GPHN: variants seen among roughly 807,000 people sequenced by gnomAD.
GPHN encodes the protein gephyrin.
Under a neutral mutation model 95.5 loss-of-function variants are expected in GPHN, and 17 were observed. The ratio of observed to expected loss-of-function variants is 0.18; its 90% CI spans 0.12 to 0.27. The LOEUF is 0.27. Ranked by LOEUF, GPHN falls within the 10% of genes least tolerant of loss-of-function variation. The pLI is 1.00. For missense variants in GPHN, 660 were observed against 978.1 expected (o/e 0.67, Z 4.34); for synonymous variants, 320 against 322.5 (o/e 0.99, Z 0.08).
chr14:66,782,428 T>C (rs948821768), intron 3 of GPHN, among the ~76,000 whole-genome samples: 3 of 152,172 alleles, frequency 2.0e-5, no homozygotes, highest in Non-Finnish European at 4.4e-5. Flanking sequence ...TCAAAAGTAT[T>C]CCTGCTGAGG....
downstream of GPHN, among the ~76,000 whole-genome samples, chr14:67,182,333 A>G (rs2083338247): frequency 6.6e-6 from 1 of 152,240 alleles, no homozygotes; most frequent in Non-Finnish European, 1.5e-5. Flanking sequence ...ACTTAGGGGC[A>G]CTTTTCAAAT....
the GPHN span, among the ~76,000 whole-genome samples, chr14:67,732,429 CAA>C: frequency 4.4e-3 from 559 of 126,428 alleles, no homozygotes; most frequent in Middle Eastern, 0.019. Context: ...GACCCTATCT[CAA>C]AAAAAAAAAA....
the GPHN span, among the ~76,000 whole-genome samples, chr14:67,717,234 C>G: frequency 1.3e-5 from 2 of 152,236 alleles, no homozygotes; most frequent in Middle Eastern, 3.4e-3. Flanking sequence ...TCATGTAACC[C>G]AAAGTCCTGT....
chr14:67,365,136 A>G, the GPHN span: 3 of 1,037,784 alleles, frequency 2.9e-6, no homozygotes, highest in Middle Eastern at 3.0e-4. Context: ...CCTTTTACAT[A>G]CAAAGTTGTT....
the GPHN span, chr14:67,693,060 C>A: frequency 6.3e-7 from 1 of 1,593,248 alleles, no homozygotes; most frequent in African/African-American, 1.3e-5. Context: ...TTCCTGCAGA[C>A]AGAGAAGGAG....
the GPHN span, among the ~76,000 whole-genome samples, chr14:67,297,810 C>T: frequency 4.6e-5 from 7 of 152,218 alleles, no homozygotes; most frequent in African/African-American, 1.7e-4. Context: ...ATTTGTCAGA[C>T]ATTCTGCCAA....
At chr14:67,480,079 G>A in the GPHN span, among the ~76,000 whole-genome samples, 1 of 152,190 alleles carries the variant, frequency 6.6e-6, no homozygotes, top group Non-Finnish European at 1.5e-5. Flanking sequence ...GCTGTTGTGA[G>A]GACGAATGAA....
the GPHN span, chr14:67,579,672 G>T: frequency 6.3e-7 from 1 of 1,578,464 alleles, no homozygotes; most frequent in Non-Finnish European, 8.6e-7. Context: ...GCCCTAGTGA[G>T]CTCCTCTCAG....
intron 1 of GPHN, among the ~76,000 whole-genome samples, chr14:66,565,638 T>G (rs2060431161): frequency 6.6e-6 from 1 of 152,136 alleles, no homozygotes; most frequent in Non-Finnish European, 1.5e-5. Context: ...TGACCACATG[T>G]GGTTGTTAGG....
At chr14:67,620,067 AG>A in the GPHN span, 1 of 1,609,726 alleles carries the variant, frequency 6.2e-7, no homozygotes, top group Non-Finnish European at 8.5e-7. Context: ...CTGTGATAGG[AG>A]CCCCGTTCTC....
the GPHN span, among the ~76,000 whole-genome samples, chr14:67,694,732 C>T: frequency 1.3e-5 from 2 of 151,732 alleles, no homozygotes; most frequent in Non-Finnish European, 2.9e-5. Context: ...AGAGGGGCAC[C>T]AGAGAAGGAA....
the GPHN span, among the ~76,000 whole-genome samples, chr14:67,240,702 G>A: frequency 2.0e-5 from 3 of 152,214 alleles, no homozygotes; most frequent in East Asian, 5.8e-4. Context: ...CATTCCAAGG[G>A]TGGCACATCC....
the GPHN span, among the ~76,000 whole-genome samples, chr14:67,478,111 C>T: frequency 1.3e-5 from 2 of 152,256 alleles, no homozygotes; most frequent in African/African-American, 4.8e-5. Flanking sequence ...TTACAGCTCA[C>T]ATGTCTGTGG....
chr14:67,204,723 C>T, the GPHN span: 16 of 1,613,910 alleles, frequency 9.9e-6, no homozygotes, highest in Non-Finnish European at 1.4e-5. Context: ...CCAAAGTTTC[C>T]AAAGTGTCGG....
intron 4 of GPHN, chr14:66,842,566 G>C: frequency 1.4e-6 from 1 of 698,292 alleles, no homozygotes; most frequent in Admixed American, 2.7e-5. Flanking sequence ...GAAGGGAGAA[G>C]GTTCAGGCTG....
At chr14:66,968,311 G>A (rs557311135) in intron 9 of GPHN, among the ~76,000 whole-genome samples, 1 of 152,078 alleles carries the variant, frequency 6.6e-6, no homozygotes, top group Admixed American at 6.5e-5. Context: ...ATCTTGATTG[G>A]GAATGTGTTT....
chr14:67,592,834 G>A, the GPHN span: 1 of 682,142 alleles, frequency 1.5e-6, no homozygotes, highest in South Asian at 1.8e-5. Flanking sequence ...TGCCCAAGCT[G>A]CAGTGCAGTG....
Position 66,536,432 on chromosome 14 carries a change from CT to C in GPHN, c.64+27845del, listed in dbSNP as rs377632046. Among the ~76,000 whole-genome samples the C allele has an allele frequency of 2.1e-3, 321 of 152,192 alleles. 1 individual carries two copies. The highest frequency in any genetic ancestry group is 7.3e-3 in the African/African-American group (302 of 41,518). On this transcript the variant is annotated intron_variant, in intron 1 of 22. Coordinates refer to ENST00000478722, the MANE Select transcript of GPHN (RefSeq NM_020806.5). ...GTTACTTTGTCATAATGTATTGTCC[CT>C]TTTATGTACCATTAGATTCAATTTG...
chr14:66,910,487 TA>T, intron 5 of GPHN, among the ~76,000 whole-genome samples: 1 of 152,088 alleles, frequency 6.6e-6, no homozygotes, highest in African/African-American at 2.4e-5. Context: ...AAATTACTTT[TA>T]TACAGTAAAA....
Sources: gnomAD v4.1 joint callset for allele counts (sites outside exome capture counted in the v4.1 genomes callset) on GRCh38, gnomAD v4.1.1 for gene constraint, MANE v1.5 for transcripts, NCBI Gene and HGNC (gene_info 2026-07-23, HGNC 2026-07-21) for gene names.